The following TMEM72 variants were observed in gnomAD, a reference collection of about 807,000 sequenced individuals.
TMEM72 encodes the protein kidney-specific secretory protein of 37 kDa.
In TMEM72, 9 loss-of-function variants were observed where a neutral mutation model predicts 16.3. The ratio of observed to expected loss-of-function variants is 0.55; its 90% CI spans 0.33 to 0.96. The LOEUF is 0.96. TMEM72 is among the 40% of genes least tolerant of loss of function. The pLI is 0.03. For synonymous variants in TMEM72, 160 were observed against 146.5 expected, an observed-to-expected ratio of 1.09 and a Z score of -0.66; for missense variants, 324 against 337.8, an observed-to-expected ratio of 0.96 and a Z score of 0.32.
intron 1 of TMEM72, among the ~76,000 whole-genome samples, chr10:44,926,240 C>T (rs952742713): frequency 1.3e-5 from 2 of 152,176 alleles, no homozygotes; most frequent in East Asian, 3.8e-4. Flanking sequence ...CACACACACA[C>T]GTGTCCACAC....
intron 1 of TMEM72, among the ~76,000 whole-genome samples, chr10:44,919,267 C>T (rs531576464): frequency 1.6e-4 from 24 of 152,298 alleles, no homozygotes; most frequent in African/African-American, 4.3e-4. Flanking sequence ...CACTCTACCA[C>T]GTCCAGTCAG....
chr10:44,914,955 G>A (rs1839992245), intron 1 of TMEM72, among the ~76,000 whole-genome samples: 1 of 152,206 alleles, frequency 6.6e-6, no homozygotes, highest in African/African-American at 2.4e-5. Context: ...TGGCCAGGAA[G>A]AGCATGGGAA....
chr10:44,933,876 G>C, intron 4 of TMEM72, 100 bp downstream of exon 4: 1 of 1,417,648 alleles, frequency 7.1e-7, no homozygotes. Context: ...TGGCTCCAGG[G>C]ACCTTACCTG....
intron 1 of TMEM72, among the ~76,000 whole-genome samples, chr10:44,914,995 C>T (rs1325475386): frequency 1.3e-5 from 2 of 152,208 alleles, no homozygotes; most frequent in East Asian, 3.9e-4. Flanking sequence ...GAGGAGGCAC[C>T]TCTCAGGCCG....
chr10:44,933,592 G>C lies in TMEM72; in HGVS notation c.210-45G>C, dbSNP rs748160573. 34 of 1,583,476 alleles carry C rather than the reference G, an allele frequency of 2.1e-5. 1 individual carries two copies. The South Asian group carries it at 3.9e-4, about 18-fold the overall frequency. On this transcript the variant is annotated intron_variant, in intron 3 of 4. Coordinates refer to ENST00000389583, the MANE Select transcript of TMEM72 (RefSeq NM_001123376.3). Reference sequence around the variant, plus strand: ...CTCCATGGCATCCAGTCTTGCTGGGGTTTTCCTGGGACACATTATGCTAAC... The same window carrying C: ...CTCCATGGCATCCAGTCTTGCTGGGCTTTTCCTGGGACACATTATGCTAAC...
chr10:44,914,616 G>A (rs1485231592), intron 1 of TMEM72, among the ~76,000 whole-genome samples: 1 of 152,190 alleles, frequency 6.6e-6, no homozygotes, highest in South Asian at 2.1e-4. Context: ...CTCAAAGCAG[G>A]TTCTCCCCGT....
At chr10:44,930,040 G>A (rs1281420485) in intron 2 of TMEM72, among the ~76,000 whole-genome samples, 8 of 152,192 alleles carry the variant, frequency 5.3e-5, no homozygotes, top group Non-Finnish European at 1.2e-4. Flanking sequence ...TAACTCTCGG[G>A]TCAGGCCATG....
chr10:44,928,861 C>T (rs1321051729), intron 2 of TMEM72, among the ~76,000 whole-genome samples: 1 of 152,192 alleles, frequency 6.6e-6, no homozygotes, highest in Non-Finnish European at 1.5e-5. Context: ...CATCCATACA[C>T]CCACCCATCC....
intron 1 of TMEM72, among the ~76,000 whole-genome samples, chr10:44,921,459 G>C (rs1291261355): frequency 6.6e-6 from 1 of 152,220 alleles, no homozygotes; most frequent in East Asian, 1.9e-4. Flanking sequence ...ATCTCAGGGC[G>C]ATTATTTCTT....
rs1347640351 is a variant in TMEM72, at chr10:44,927,977, T to C, written c.127T>C (p.Phe43Leu). The C allele has an allele frequency of 1.9e-6, 3 of 1,613,620 alleles. No individual in the cohort carries two copies. In the Admixed American group the frequency reaches 5.0e-5, roughly 27 times the overall value. The change falls in exon 2 of 5, where the codon TTC (phenylalanine) becomes CTC (leucine). Residue 43 changes from phenylalanine to leucine, a missense_variant. Phe to Leu is a conservative substitution (Grantham distance 22). Transcript: ENST00000389583. ...CCAGGGCCAGTTCAAAAGCCTGGCT[T>C]TCTATCTGCTGTGAGTATGTGTGCA... Reference protein sequence around the residue: ...FLQGQFKSLAFYLLFTGAAVS... With the variant: ...FLQGQFKSLALYLLFTGAAVS...
chr10:44,916,029 A>G (rs1460371911), intron 1 of TMEM72, among the ~76,000 whole-genome samples: 2 of 152,158 alleles, frequency 1.3e-5, no homozygotes. Flanking sequence ...GCTCAGTCCT[A>G]TTTTACAAAT....
intron 2 of TMEM72, 71 bp downstream of exon 2, chr10:44,928,058 G>A (rs1589046121): frequency 6.5e-6 from 10 of 1,545,352 alleles, no homozygotes; most frequent in East Asian, 2.2e-5. Flanking sequence ...TGTCTACTCA[G>A]AATAACTCAG....
intron 1 of TMEM72, 148 bp from the exon 2 acceptor site, chr10:44,927,773 C>A: frequency 1.3e-6 from 1 of 767,450 alleles, no homozygotes; most frequent in Admixed American, 2.3e-5. Flanking sequence ...CCTTGCTAGT[C>A]ACAGCTGCCT....
intron 2 of TMEM72, among the ~76,000 whole-genome samples, chr10:44,928,403 C>T (rs1195202001): frequency 1.3e-5 from 2 of 151,982 alleles, no homozygotes; most frequent in Non-Finnish European, 2.9e-5. Flanking sequence ...CCCATCCATC[C>T]ATCTATTCAT....
chr10:44,925,022 A>ACTCCAATCCAAGCAATTTT (rs1193496431), intron 1 of TMEM72, among the ~76,000 whole-genome samples: 2 of 152,042 alleles, frequency 1.3e-5, no homozygotes, highest in African/African-American at 4.8e-5. Context: ...TGCATTTCAG[A>ACTCCAATCCAAGCAATTTT]CTCCAATCCA....
In TMEM72 at chr10:44,934,927, G is replaced by A. The variant is rs1642976363; in HGVS notation, c.621G>A (p.Glu207=). 1 of 1,613,782 alleles carries A rather than the reference G, an allele frequency of 6.2e-7. No homozygotes were observed. Among genetic ancestry groups the A allele is most frequent in the Non-Finnish European group, 8.5e-7 (1 of 1,179,936 alleles). The change falls in exon 5 of 5, where the codon GAG becomes GAA. Residue 207 remains glutamate, a synonymous_variant. Coordinates refer to ENST00000389583, the MANE Select transcript of TMEM72 (RefSeq NM_001123376.3). ...SALQPPNTLM[E]LSLEPADSLA... is the part of the protein sequence containing the mutation. ...TCCAGCCCCCCAACACCCTGATGGA[G>A]CTGAGCCTGGAGCCAGCCGACTCCC...
rs535028655 is a variant in TMEM72 at position 44,926,121 on chromosome 10, A to T, written c.71-1800A>T. The stretch of plus-strand genomic sequence containing the variant: ...CTTACATACACACCCACATACACAC[A>T]TACATACACTCACACACTCACATAT... On this transcript the variant is annotated intron_variant, in intron 1 of 4. Coordinates refer to ENST00000389583, the MANE Select transcript of TMEM72 (RefSeq NM_001123376.3). Among the ~76,000 whole-genome samples, 12 of 150,438 alleles carry T rather than the reference A, an allele frequency of 8.0e-5. No individual in the cohort carries two copies. In the East Asian group the frequency reaches 2.3e-3, roughly 29 times the overall value.
At chr10:44,930,037 C>T (rs566152936) in intron 2 of TMEM72, among the ~76,000 whole-genome samples, 2 of 152,338 alleles carry the variant, frequency 1.3e-5, no homozygotes, top group South Asian at 2.1e-4. Context: ...CCCTAACTCT[C>T]GGGTCAGGCC....
At chr10:44,925,938 C>A (rs1589044417) in intron 1 of TMEM72, among the ~76,000 whole-genome samples, 1 of 151,886 alleles carries the variant, frequency 6.6e-6, no homozygotes, top group African/African-American at 2.4e-5. Context: ...CACACATACA[C>A]ACACACTTAC....
Sources: gnomAD v4.1 joint callset for allele counts (sites outside exome capture counted in the v4.1 genomes callset) on GRCh38, gnomAD v4.1.1 for gene constraint, MANE v1.5 for transcripts, NCBI Gene and HGNC (gene_info 2026-07-23, HGNC 2026-07-21) for gene names.